The following GPHN variants were observed in gnomAD, a reference collection of about 807,000 sequenced individuals.
The protein encoded by GPHN is gephyrin.
Under a neutral mutation model 95.5 loss-of-function variants are expected in GPHN, and 17 were observed. The observed-to-expected ratio is 0.18, with a 90% CI of 0.12 to 0.27. GPHN has a LOEUF of 0.27. GPHN is among the 10% of genes least tolerant of loss of function. The pLI is 1.00. For synonymous variants in GPHN, 320 were observed against 322.5 expected, an observed-to-expected ratio of 0.99 and a Z score of 0.08; for missense variants, 660 against 978.1, an observed-to-expected ratio of 0.67 and a Z score of 4.34.
chr14:67,147,082 C>T (rs1022629910), intron 18 of GPHN, among the ~76,000 whole-genome samples: 16 of 152,234 alleles, frequency 1.1e-4, no homozygotes, highest in African/African-American at 3.6e-4. Context: ...CAAACATACA[C>T]ATAAAAAAAT....
At chr14:67,097,121 G>A (rs1181141442) in intron 12 of GPHN, among the ~76,000 whole-genome samples, 1 of 152,108 alleles carries the variant, frequency 6.6e-6, no homozygotes, top group East Asian at 1.9e-4. Flanking sequence ...GCAAGTGCCA[G>A]GGATTAGCAA....
the GPHN span, chr14:67,555,890 A>T: frequency 4.3e-6 from 7 of 1,613,376 alleles, no homozygotes; most frequent in Non-Finnish European, 5.9e-6. Context: ...AGACCCAGGT[A>T]ACCAGGGGAG....
chr14:66,519,980 T>C (rs1594799732), intron 1 of GPHN, among the ~76,000 whole-genome samples: 1 of 152,100 alleles, frequency 6.6e-6, no homozygotes, highest in South Asian at 2.1e-4. Flanking sequence ...GTCCGTAGAG[T>C]GTAAGCTCTT....
At chr14:67,100,326 T>C (rs2077627072) in intron 12 of GPHN, among the ~76,000 whole-genome samples, 1 of 152,226 alleles carries the variant, frequency 6.6e-6, no homozygotes, top group Non-Finnish European at 1.5e-5. Flanking sequence ...AAGAAAGGAA[T>C]GTTCTTCCTA....
the GPHN span, among the ~76,000 whole-genome samples, chr14:67,233,116 A>T: frequency 1.4e-5 from 2 of 139,374 alleles, no homozygotes; most frequent in South Asian, 4.3e-4. Context: ...ACACATTTTT[A>T]TTTTATTTTA....
At chr14:66,517,542 T>C (rs1340326235) in intron 1 of GPHN, among the ~76,000 whole-genome samples, 2 of 152,216 alleles carry the variant, frequency 1.3e-5, no homozygotes, top group Non-Finnish European at 2.9e-5. Flanking sequence ...CTTTAAAATA[T>C]ACTACAGAGT....
the GPHN span, among the ~76,000 whole-genome samples, chr14:67,267,354 G>C: frequency 6.6e-6 from 1 of 151,966 alleles, no homozygotes; most frequent in Non-Finnish European, 1.5e-5. Flanking sequence ...TGCCTCCCAG[G>C]TTCAAGTGAT....
At chr14:67,002,651 A>G (rs1048683029) in intron 9 of GPHN, among the ~76,000 whole-genome samples, 4 of 151,408 alleles carry the variant, frequency 2.6e-5, no homozygotes, top group Non-Finnish European at 5.9e-5. Flanking sequence ...AAGCAAGTTA[A>G]CTTCTCTGCA....
the GPHN span, among the ~76,000 whole-genome samples, chr14:67,469,583 G>C: frequency 6.6e-6 from 1 of 151,126 alleles, no homozygotes; most frequent in Non-Finnish European, 1.5e-5. Flanking sequence ...ACCATGCCCA[G>C]CCTGACTGAG....
chr14:66,736,405 T>C (rs1462470406), intron 2 of GPHN, among the ~76,000 whole-genome samples: 3 of 148,992 alleles, frequency 2.0e-5, no homozygotes, highest in African/African-American at 7.5e-5. Context: ...TTTTTTTCTT[T>C]TTTTTTTTTT....
chr14:66,903,353 C>T (rs1332968603), intron 5 of GPHN, among the ~76,000 whole-genome samples: 3 of 152,104 alleles, frequency 2.0e-5, no homozygotes, highest in Non-Finnish European at 4.4e-5. Context: ...ATAATCTCCT[C>T]CTTTGTCTAT....
chr14:67,399,996 C>G, the GPHN span, among the ~76,000 whole-genome samples: 2 of 152,178 alleles, frequency 1.3e-5, no homozygotes, highest in South Asian at 4.1e-4. Flanking sequence ...TGCCCCAACT[C>G]ACTCATTTCC....
At chr14:67,118,631 G>A (rs2078830230) in intron 16 of GPHN, among the ~76,000 whole-genome samples, 1 of 152,106 alleles carries the variant, frequency 6.6e-6, no homozygotes, top group African/African-American at 2.4e-5. Flanking sequence ...GGGAGGCTGA[G>A]GCAGGAGAAT....
chr14:67,392,819 T>C, the GPHN span: 7 of 1,613,456 alleles, frequency 4.3e-6, no homozygotes, highest in South Asian at 2.2e-5. Context: ...CGTGAAGCTG[T>C]TGGAGATGAG....
chr14:66,730,691 T>C (rs1194365559), intron 2 of GPHN, among the ~76,000 whole-genome samples: 1 of 152,244 alleles, frequency 6.6e-6, no homozygotes, highest in Admixed American at 6.5e-5. Context: ...ATAGTACTGA[T>C]TCAGATATAC....
the GPHN span, among the ~76,000 whole-genome samples, chr14:67,342,223 TAAAAA>T: frequency 5.3e-5 from 5 of 93,460 alleles, no homozygotes; most frequent in Non-Finnish European, 7.4e-5. Context: ...TAAAATAAAA[TAAAAA>T]AAAACACAAA....
chr14:67,150,228 A>G (rs8006677), intron 18 of GPHN, among the ~76,000 whole-genome samples: 49,770 of 151,294 alleles, frequency 0.33, 13,175 homozygotes, highest in African/African-American at 0.71. Flanking sequence ...GGATCACGAG[A>G]TCAGGAGATC....
rs553427285 is a variant in GPHN, at chr14:66,948,184, G to A, written c.829-17007G>A. On this transcript the variant is annotated intron_variant, in intron 8 of 22. Transcript: ENST00000478722. ...TTGTTTTCCTAAAAGGCAATTACAC[G>A]GGAAACCAAATAATAATAAGGATGG... Among the ~76,000 whole-genome samples, 14 of 151,770 alleles carry A rather than the reference G, an allele frequency of 9.2e-5. No individual in the cohort carries two copies. The South Asian group carries it at 2.1e-3, about 23-fold the overall frequency.
At chr14:66,794,067 T>C (rs1424562515) in intron 3 of GPHN, among the ~76,000 whole-genome samples, 1 of 152,130 alleles carries the variant, frequency 6.6e-6, no homozygotes, top group Non-Finnish European at 1.5e-5. Context: ...GAGATACATA[T>C]GGATTGAAAT....
Sources: allele counts gnomAD v4.1 joint callset (sites outside exome capture counted in the v4.1 genomes callset), GRCh38; gene constraint gnomAD v4.1.1; transcripts MANE v1.5; gene names NCBI Gene and HGNC (gene_info 2026-07-23, HGNC 2026-07-21).